PPP1R13B: variants seen among roughly 807,000 people sequenced by gnomAD.
PPP1R13B encodes apoptosis-stimulating of p53 protein 1.
Under a neutral mutation model 119.8 loss-of-function variants are expected in PPP1R13B, and 44 were observed. The ratio of observed to expected loss-of-function variants is 0.37; its 90% CI spans 0.29 to 0.47. The LOEUF (loss-of-function observed/expected upper bound fraction) is 0.47, where lower values mean the gene tolerates loss of function less well. Among genes scored for constraint, PPP1R13B ranks in the 20% least tolerant of loss-of-function variants. The pLI is 0.99. For missense variants in PPP1R13B, 1,227 were observed against 1,413.5 expected (o/e 0.87, Z 2.12); for synonymous variants, 542 against 561.5 (o/e 0.97, Z 0.49).
rs1567085807 is a variant in PPP1R13B at position 103,742,337 on chromosome 14, G to C, written c.1321-46C>G. ...GAAAAACAAAGTCACCCTTTGAACA[G>C]TTAAGAATATTTCCACCCACATTCC... On this transcript the variant is annotated intron_variant, in intron 10 of 16. Coordinates refer to ENST00000202556, the MANE Select transcript of PPP1R13B (RefSeq NM_015316.3). This position sits in a 1 kb window ranked among gnomAD's most constrained non-coding sequence, Gnocchi z 4.9. The C allele has an allele frequency of 6.7e-7, 1 of 1,502,336 alleles. No individual in the cohort carries two copies. Among genetic ancestry groups the C allele is most frequent in the Non-Finnish European group, 8.8e-7 (1 of 1,132,852 alleles). 93.1% of individuals were successfully genotyped at this position (1,502,336 alleles called of 1,614,324 possible). A position where few individuals can be genotyped will look rare whatever the true frequency, so the allele number is the denominator to read the frequency against.
chr14:103,771,377 T>C (rs919192149), intron 4 of PPP1R13B, among the ~76,000 whole-genome samples: 4 of 152,128 alleles, frequency 2.6e-5, no homozygotes, highest in Admixed American at 2.6e-4. Flanking sequence ...AGAAGTCACG[T>C]TCAGATTGAG....
chr14:103,847,933 C>T (rs2087109358), upstream of PPP1R13B, among the ~76,000 whole-genome samples: 1 of 151,848 alleles, frequency 6.6e-6, no homozygotes, highest in African/African-American at 2.4e-5. Context: ...CGAACCCGGG[C>T]TCCCGGGGGC....
chr14:103,749,757 C>T (rs1330236154), intron 8 of PPP1R13B, 37 bp downstream of exon 8: 7 of 1,597,852 alleles, frequency 4.4e-6, no homozygotes, highest in Non-Finnish European at 5.1e-6. Flanking sequence ...GATAAACTAT[C>T]TTTAGTAGTT....
intron 1 of PPP1R13B, among the ~76,000 whole-genome samples, chr14:103,817,199 C>T (rs1255181728): frequency 6.6e-6 from 1 of 152,140 alleles, no homozygotes; most frequent in Non-Finnish European, 1.5e-5. Context: ...GCACTAATGA[C>T]ATGAGCCATG....
At position 103,754,123 on chromosome 14, in the gene PPP1R13B, A is replaced by G; in HGVS notation, c.578T>C (p.Ile193Thr). ...VEAQENKLKK[I>T]RAMRGQVDYS... ...GTCGACTTGTCCTCTCATTGCACGAATTTTCTTCAGCTTGTTCTCCTGGGC... is the reference window on the plus strand; with the variant it reads ...GTCGACTTGTCCTCTCATTGCACGAGTTTTCTTCAGCTTGTTCTCCTGGGC... The change falls in exon 6 of 17, where the codon ATT (isoleucine) becomes ACT (threonine). Residue 193 changes from isoleucine to threonine, a missense_variant. Transcript: ENST00000202556. The G allele has an allele frequency of 1.2e-6, 2 of 1,613,762 alleles. No individual in the cohort carries two copies. The highest frequency in any genetic ancestry group is 1.7e-6 in the Non-Finnish European group (2 of 1,179,976).
chr14:103,839,198 G>A (rs2086846025), intron 1 of PPP1R13B, among the ~76,000 whole-genome samples: 1 of 151,922 alleles, frequency 6.6e-6, no homozygotes, highest in Non-Finnish European at 1.5e-5. Context: ...ATTTTTAGTA[G>A]AGACGGGATT....
intron 4 of PPP1R13B, among the ~76,000 whole-genome samples, chr14:103,771,584 G>A (rs1026116639): frequency 2.0e-5 from 3 of 149,380 alleles, no homozygotes; most frequent in South Asian, 2.1e-4. Flanking sequence ...GGGTTCAAGC[G>A]ATTCTCCTGC....
intron 4 of PPP1R13B, among the ~76,000 whole-genome samples, chr14:103,770,344 T>TTC (rs2085038785): frequency 6.6e-6 from 1 of 151,982 alleles, no homozygotes; most frequent in Non-Finnish European, 1.5e-5. Flanking sequence ...TGAAACCCTG[T>TTC]TCTCCACTAA....
intron 1 of PPP1R13B, chr14:103,846,979 G>A (rs2152093545): frequency 2.5e-6 from 3 of 1,191,494 alleles, no homozygotes; most frequent in South Asian, 1.5e-5. Flanking sequence ...CCACCCACCA[G>A]ACCTGTGCCC....
chr14:103,820,821 T>C (rs2086390156), intron 1 of PPP1R13B, among the ~76,000 whole-genome samples: 1 of 152,018 alleles, frequency 6.6e-6, no homozygotes, highest in African/African-American at 2.4e-5. Context: ...AAGAAAAGCT[T>C]ACATTAGAAG....
rs1219150482 is a variant in PPP1R13B, at chr14:103,807,407, G to A, written c.10-9889C>T. Among the ~76,000 whole-genome samples, 3 of 152,194 alleles carry A rather than the reference G, an allele frequency of 2.0e-5. No homozygotes were observed. The East Asian group carries it at 5.8e-4, about 29-fold the overall frequency. On this transcript the variant is annotated intron_variant, in intron 1 of 16. Transcript: ENST00000202556. Reference sequence around the variant, plus strand: ...AACACATAAGCTTCTTGAGAGCAGAGTTTCAGTTAATTACCTGCTGTGTCA... The same window carrying A: ...AACACATAAGCTTCTTGAGAGCAGAATTTCAGTTAATTACCTGCTGTGTCA...
chr14:103,759,573 T>A (rs138781841), intron 4 of PPP1R13B, among the ~76,000 whole-genome samples: 2 of 152,202 alleles, frequency 1.3e-5, no homozygotes, highest in Middle Eastern at 3.4e-3. Flanking sequence ...CCCAAAGCGC[T>A]GGGATTACAG....
In PPP1R13B at chr14:103,739,256, C is replaced by T. The variant is rs1371694281; in HGVS notation, c.2593-233G>A. ...GAGGCCTGAGTCCCTGGCTCACGCA[C>T]AGAGGGACACGGCTGTGTTTGAGCT... On this transcript the variant is annotated intron_variant, in intron 12 of 16. Transcript: ENST00000202556. 4 of 527,110 alleles carry T rather than the reference C, an allele frequency of 7.6e-6. No individual in the cohort carries two copies. The East Asian group carries it at 1.2e-4, about 15-fold the overall frequency. The allele number at this position is 527,110 out of a possible 1,614,324, so 32.7% of individuals were successfully genotyped here. A position where few individuals can be genotyped will look rare whatever the true frequency, so the allele number is the denominator to read the frequency against.
rs776971447 is a variant in PPP1R13B at position 103,736,195 on chromosome 14, C to T, written c.3039G>A (p.Gln1013=). ...CTTTGTTCATCACACCCAGCTTTTC[C>T]TGCACCCCTGGAGCCAGAGAGCAAT... The part of the protein sequence containing the change: ...IQCSQFLYGV[Q]EKLGVMNKGV... Residue 1013 remains glutamine (Q), a synonymous_variant, in exon 16 of 17, where the codon CAG becomes CAA. Coordinates refer to ENST00000202556, the MANE Select transcript of PPP1R13B (RefSeq NM_015316.3). 7 of 1,613,488 alleles carry T rather than the reference C, an allele frequency of 4.3e-6. No homozygotes were observed. In the South Asian group the frequency reaches 7.7e-5, roughly 18 times the overall value.
Position 103,834,829 on chromosome 14 carries a change from G to A in PPP1R13B, c.9+12470C>T, listed in dbSNP as rs111754062. Among the ~76,000 whole-genome samples the A allele has an allele frequency of 4.4e-3, 670 of 152,152 alleles. 5 individuals carry two copies. The highest frequency in any genetic ancestry group is 0.014 in the Middle Eastern group (4 of 294). On this transcript the variant is annotated intron_variant, in intron 1 of 16. Coordinates refer to ENST00000202556, the MANE Select transcript of PPP1R13B (RefSeq NM_015316.3). ...GCTGATCTTGAACTCCTGACCTCAG[G>A]TAAGCCACCCACCTCGGACTCCCAA... is the stretch of plus-strand genomic sequence containing the variant.
chr14:103,771,263 A>G (rs371256738), intron 4 of PPP1R13B, among the ~76,000 whole-genome samples: 3 of 152,094 alleles, frequency 2.0e-5, no homozygotes, highest in African/African-American at 7.2e-5. Flanking sequence ...GACTTTATCC[A>G]GGTGTCAAAA....
At chr14:103,791,213 C>G (rs1465331255) in intron 2 of PPP1R13B, among the ~76,000 whole-genome samples, 1 of 151,896 alleles carries the variant, frequency 6.6e-6, no homozygotes, top group Non-Finnish European at 1.5e-5. Flanking sequence ...CCTTGAACTT[C>G]CGGGCTCAAG....
Position 103,829,064 on chromosome 14 carries a change from C to G in PPP1R13B, c.9+18235G>C, listed in dbSNP as rs551900628. On this transcript the variant is annotated intron_variant, in intron 1 of 16. Transcript: ENST00000202556. ...ATACTGACTGCAAAAAAAGATAAAA[C>G]CATGAAGTCTCCCCAGACATAGTAG... Among the ~76,000 whole-genome samples, 18 of 152,074 alleles carry G rather than the reference C, an allele frequency of 1.2e-4. No homozygotes were observed. The South Asian group carries it at 2.3e-3, about 19-fold the overall frequency.
At chr14:103,847,037 A>C (rs541885280) in intron 1 of PPP1R13B, 1 of 1,079,992 alleles carries the variant, frequency 9.3e-7, no homozygotes, top group Admixed American at 5.0e-5. Flanking sequence ...GACCGGCCCC[A>C]AATGCATCTG....
Sources: gnomAD v4.1 joint callset for allele counts (sites outside exome capture counted in the v4.1 genomes callset) on GRCh38, gnomAD v4.1.1 for gene constraint, Gnocchi (gnomAD v3.1) non-coding constraint, MANE v1.5 for transcripts, NCBI Gene and HGNC (gene_info 2026-07-23, HGNC 2026-07-21) for gene names.